GNAL: variants seen among roughly 807,000 people sequenced by gnomAD.
GNAL encodes guanine nucleotide-binding protein G(olf) subunit alpha.
Under a neutral mutation model 55.1 loss-of-function variants are expected in GNAL, and 18 were observed. The observed-to-expected ratio is 0.33, with a 90% confidence interval of 0.23 to 0.48. The LOEUF is 0.48. Ranked by LOEUF, GNAL falls within the 20% of genes least tolerant of loss-of-function variation. The probability of loss-of-function intolerance (pLI) is 0.99; values close to 1 mark genes in which losing one functional copy is unlikely to be tolerated. For synonymous variants in GNAL, 253 were observed against 237.0 expected (o/e 1.07, Z -0.62); for missense variants, 412 against 614.1 (o/e 0.67, Z 3.48).
intron 1 of GNAL, among the ~76,000 whole-genome samples, chr18:11,715,535 T>A (rs554236732): frequency 6.6e-6 from 1 of 150,556 alleles, no homozygotes; most frequent in Non-Finnish European, 1.5e-5. Flanking sequence ...TTAAATAAAG[T>A]GGTCAGGAAG....
chr18:11,765,281 T>G (rs1218818081), intron 4 of GNAL, among the ~76,000 whole-genome samples: 1 of 152,226 alleles, frequency 6.6e-6, no homozygotes, highest in East Asian at 1.9e-4. Context: ...GTTTTTAAAT[T>G]TTTTGATGGA....
intron 5 of GNAL, among the ~76,000 whole-genome samples, chr18:11,838,966 G>C (rs113241468): frequency 2.1e-4 from 32 of 152,236 alleles, no homozygotes; most frequent in African/African-American, 5.5e-4. Context: ...CATGCAGTGC[G>C]TGACACAGTA....
At chr18:11,848,367 A>G (rs1018689081) in intron 5 of GNAL, among the ~76,000 whole-genome samples, 2 of 152,140 alleles carry the variant, frequency 1.3e-5, no homozygotes, top group African/African-American at 4.8e-5. Flanking sequence ...CCTTCTCTCC[A>G]GCACAGAAAG....
intron 5 of GNAL, among the ~76,000 whole-genome samples, 186 bp downstream of exon 5, chr18:11,825,201 C>T (rs1244826298): frequency 4.6e-5 from 7 of 152,122 alleles, no homozygotes; most frequent in Admixed American, 3.3e-4. Context: ...CAGTAAGAAT[C>T]AATGTTTCTG....
At chr18:11,871,189 A>G (rs1050810771) in intron 9 of GNAL, among the ~76,000 whole-genome samples, 3 of 151,864 alleles carry the variant, frequency 2.0e-5, no homozygotes, top group African/African-American at 4.8e-5. Flanking sequence ...TTTTATTACT[A>G]GAAGAAGCAG....
In GNAL at chr18:11,836,783, A is replaced by G. The variant is rs563409407; in HGVS notation, c.722+11768A>G. Among the ~76,000 whole-genome samples the G allele has an allele frequency of 7.9e-5, 12 of 152,352 alleles. No individual in the cohort carries two copies. In the East Asian group the frequency reaches 2.3e-3, roughly 29 times the overall value. On this transcript the variant is annotated intron_variant, in intron 5 of 11. Transcript: ENST00000334049. ...TCACCAAGCATTCTGTGAGCATCAG[A>G]TGCATGCTAGACACTGCCAGCCACT...
At chr18:11,861,963 T>TACACACACAC (rs56087854) in intron 5 of GNAL, among the ~76,000 whole-genome samples, 2,497 of 148,138 alleles carry the variant, frequency 0.017, 35 homozygotes, top group Middle Eastern at 0.051. Context: ...CACGCAGTCA[T>TACACACACAC]ACACACACAC....
intron 5 of GNAL, among the ~76,000 whole-genome samples, chr18:11,832,439 C>G (rs2035405337): frequency 6.6e-6 from 1 of 152,224 alleles, no homozygotes; most frequent in Admixed American, 6.5e-5. Context: ...CATTGGCCCT[C>G]TTTGGCACTG....
intron 1 of GNAL, among the ~76,000 whole-genome samples, chr18:11,748,158 T>C (rs1416939729): frequency 6.6e-6 from 1 of 152,222 alleles, no homozygotes; most frequent in Non-Finnish European, 1.5e-5. Context: ...GTTGAATTCC[T>C]ACCTGAAAAT....
intron 4 of GNAL, among the ~76,000 whole-genome samples, chr18:11,800,166 C>T (rs747864190): frequency 6.6e-6 from 1 of 151,548 alleles, no homozygotes; most frequent in Non-Finnish European, 1.5e-5. Flanking sequence ...ACATAGTATA[C>T]GTGATAGATA....
At chr18:11,874,337 G>A (rs544494584) in intron 10 of GNAL, 1 of 151,972 alleles carries the variant, frequency 6.6e-6, no homozygotes, top group East Asian at 2.0e-4. Context: ...CTAACAGTTG[G>A]TCCATGTGAC....
intron 1 of GNAL, among the ~76,000 whole-genome samples, chr18:11,711,730 G>C (rs1166934076): frequency 6.6e-6 from 1 of 152,052 alleles, no homozygotes; most frequent in Non-Finnish European, 1.5e-5. Flanking sequence ...TTTAGGGTAG[G>C]TTACTGGTGA....
intron 1 of GNAL, among the ~76,000 whole-genome samples, chr18:11,696,900 G>A (rs930863758): frequency 1.4e-4 from 21 of 152,152 alleles, no homozygotes; most frequent in Admixed American, 8.5e-4. Context: ...GCAGAGGGGC[G>A]TATGTGATGG....
At chr18:11,766,183 A>C (rs1248735660) in intron 4 of GNAL, among the ~76,000 whole-genome samples, 1 of 152,224 alleles carries the variant, frequency 6.6e-6, no homozygotes, top group Non-Finnish European at 1.5e-5. Flanking sequence ...GTTGTTCTTG[A>C]GGAAGGTTCC....
chr18:11,715,329 T>C (rs1180973306), intron 1 of GNAL, among the ~76,000 whole-genome samples: 11 of 150,746 alleles, frequency 7.3e-5, no homozygotes, highest in East Asian at 2.0e-4. Context: ...GGCGTGGTGG[T>C]GGGCACCTGT....
chr18:11,774,322 A>G (rs1160445659), intron 4 of GNAL, among the ~76,000 whole-genome samples: 3 of 152,330 alleles, frequency 2.0e-5, no homozygotes, highest in Middle Eastern at 3.4e-3. Context: ...TTGGCATTGC[A>G]TGGGAAGAGT....
intron 4 of GNAL, among the ~76,000 whole-genome samples, chr18:11,824,280 A>G (rs887249955): frequency 6.6e-6 from 1 of 151,042 alleles, no homozygotes; most frequent in Non-Finnish European, 1.5e-5. Context: ...GGGTTCAATG[A>G]GTTAAGTTAC....
At chr18:11,852,096 T>C in intron 5 of GNAL, 2 of 1,603,040 alleles carry the variant, frequency 1.2e-6, no homozygotes, top group Non-Finnish European at 1.7e-6. Context: ...TGGCCCGCCT[T>C]CGGGATCAAG....
chr18:11,767,421 G>A (rs7229968), intron 4 of GNAL, among the ~76,000 whole-genome samples: 53 of 149,638 alleles, frequency 3.5e-4, no homozygotes, highest in Non-Finnish European at 5.9e-4. Context: ...TACCCCTGCC[G>A]CTGTGCACCC....
Sources: allele counts gnomAD v4.1 joint callset (sites outside exome capture counted in the v4.1 genomes callset), GRCh38; gene constraint gnomAD v4.1.1; transcripts MANE v1.5; gene names NCBI Gene and HGNC (gene_info 2026-07-23, HGNC 2026-07-21).